RERE: variants seen among roughly 807,000 people sequenced by gnomAD.
RERE encodes arginine-glutamic acid dipeptide repeats protein.
RERE carries 40 observed loss-of-function variants against 146.1 expected under a neutral mutation model. The observed-to-expected ratio is 0.27, with a 90% CI of 0.21 to 0.36. The LOEUF (loss-of-function observed/expected upper bound fraction) is 0.36. RERE is among the 10% of genes least tolerant of loss of function. RERE has a pLI of 1.00. For missense variants in RERE, 1,933 were observed against 2,138.7 expected (o/e 0.90, Z 1.90); for synonymous variants, 1,003 against 866.0 (o/e 1.16, Z -2.78).
At chr1:8,398,759 C>T (rs926412139) in intron 12 of RERE, among the ~76,000 whole-genome samples, 2 of 152,198 alleles carry the variant, frequency 1.3e-5, no homozygotes, top group South Asian at 2.1e-4. Flanking sequence ...TCCACTACAC[C>T]CATGGAATCT....
At chr1:8,384,762 A>T (rs1244180748) in intron 12 of RERE, among the ~76,000 whole-genome samples, 1 of 152,136 alleles carries the variant, frequency 6.6e-6, no homozygotes, top group Non-Finnish European at 1.5e-5. Context: ...ACTAATAAAG[A>T]GGTTGGGCTA....
At chr1:8,683,497 C>CCA (rs1189205250) in intron 1 of RERE, among the ~76,000 whole-genome samples, 1 of 152,104 alleles carries the variant, frequency 6.6e-6, no homozygotes, top group Non-Finnish European at 1.5e-5. Flanking sequence ...ATTCTACAAC[C>CCA]CATCCACTGT....
intron 4 of RERE, among the ~76,000 whole-genome samples, chr1:8,598,968 G>C (rs1156599215): frequency 1.3e-5 from 2 of 152,238 alleles, no homozygotes; most frequent in Non-Finnish European, 2.9e-5. Context: ...GAAGGCAGAA[G>C]GCTGCAAACA....
chr1:8,389,815 T>C (rs997395981), intron 12 of RERE, among the ~76,000 whole-genome samples: 1 of 152,174 alleles, frequency 6.6e-6, no homozygotes, highest in African/African-American at 2.4e-5. Context: ...ATTAATAGTT[T>C]TCCATTTGTG....
At chr1:8,473,443 C>T (rs964082046) in intron 10 of RERE, among the ~76,000 whole-genome samples, 13 of 152,126 alleles carry the variant, frequency 8.5e-5, no homozygotes, top group African/African-American at 2.7e-4. Flanking sequence ...GACCTCATCG[C>T]GGATTTTGGT....
chr1:8,461,782 G>A (rs1317982819), intron 11 of RERE, among the ~76,000 whole-genome samples: 2 of 152,166 alleles, frequency 1.3e-5, no homozygotes, highest in East Asian at 3.8e-4. Context: ...AAGAGGAGAA[G>A]GAGGAGTAGG....
intron 10 of RERE, among the ~76,000 whole-genome samples, chr1:8,490,443 C>A (rs1488513462): frequency 6.7e-6 from 1 of 150,120 alleles, no homozygotes; most frequent in Non-Finnish European, 1.5e-5. Flanking sequence ...AAGTATTTAC[C>A]TGAGAGAACT....
chr1:8,700,654 G>C (rs1639427423), intron 1 of RERE, among the ~76,000 whole-genome samples: 2 of 152,052 alleles, frequency 1.3e-5, no homozygotes, highest in Non-Finnish European at 2.9e-5. Context: ...GAGACAAGGG[G>C]GAAACATTCT....
At position 8,714,136 on chromosome 1, in the gene RERE, A is replaced by G. The variant is rs538685237; in HGVS notation, c.-144-57695T>C. Among the ~76,000 whole-genome samples, 10 of 152,356 alleles carry G rather than the reference A, an allele frequency of 6.6e-5. No homozygotes were observed. In the South Asian group the frequency reaches 2.1e-3, roughly 32 times the overall value. On this transcript the variant is annotated intron_variant, in intron 1 of 22. Coordinates refer to ENST00000400908, the MANE Select transcript of RERE (RefSeq NM_001042681.2). Reference sequence around the variant, plus strand: ...CCCAAGAAGTAATTTTCTATTTGATAGTTATAGCTATCTTTAAATTTTTAA... The same window carrying G: ...CCCAAGAAGTAATTTTCTATTTGATGGTTATAGCTATCTTTAAATTTTTAA...
intron 3 of RERE, among the ~76,000 whole-genome samples, chr1:8,622,486 T>A (rs6577505): frequency 0.43 from 18,159 of 42,260 alleles, 3,480 homozygotes; most frequent in East Asian, 0.76. Flanking sequence ...TGTATCTGTT[T>A]AAAAAAAAAA....
At chr1:8,789,301 A>AAAAAAAATATATATATAT in intron 1 of RERE, among the ~76,000 whole-genome samples, 1 of 24,814 alleles carries the variant, frequency 4.0e-5, no homozygotes, top group African/African-American at 2.3e-4. Context: ...AAAAAAAAAA[A>AAAAAAAATATATATATAT]ATATATATAT....
intron 1 of RERE, among the ~76,000 whole-genome samples, chr1:8,773,573 C>T (rs1280958463): frequency 6.6e-6 from 1 of 152,204 alleles, no homozygotes; most frequent in African/African-American, 2.4e-5. Context: ...CGCCTGTAAT[C>T]CCAGCACTTT....
At chr1:8,487,097 C>G (rs1644912098) in intron 10 of RERE, among the ~76,000 whole-genome samples, 1 of 152,088 alleles carries the variant, frequency 6.6e-6, no homozygotes, top group Admixed American at 6.5e-5. Flanking sequence ...CAGGATTCAT[C>G]CTAGGAACAA....
chr1:8,407,225 C>T (rs1383303940), intron 12 of RERE, among the ~76,000 whole-genome samples: 3 of 152,112 alleles, frequency 2.0e-5, no homozygotes, highest in Admixed American at 6.5e-5. Flanking sequence ...TTTTGTGTGA[C>T]AGAATTGTGA....
chr1:8,773,652 T>C (rs925330099), intron 1 of RERE, among the ~76,000 whole-genome samples: 1 of 152,102 alleles, frequency 6.6e-6, no homozygotes, highest in Non-Finnish European at 1.5e-5. Flanking sequence ...GGTGAAACCC[T>C]GTCTCTACTA....
chr1:8,447,654 G>A (rs1357758924), intron 11 of RERE, among the ~76,000 whole-genome samples: 1 of 152,220 alleles, frequency 6.6e-6, no homozygotes, highest in Non-Finnish European at 1.5e-5. Flanking sequence ...GTTGCTGCCT[G>A]AGGAACCCCA....
rs1553153879 is a variant in RERE, at chr1:8,356,547, G to T, written c.4340-301C>A. 6.6e-6 allele frequency among the ~76,000 whole-genome samples: 1 copy of T among 152,212 alleles called. No homozygotes were observed. Among genetic ancestry groups the T allele is most frequent in the Non-Finnish European group, 1.5e-5 (1 of 68,034 alleles). On this transcript the variant is annotated intron_variant, in intron 20 of 22. Coordinates refer to ENST00000400908, the MANE Select transcript of RERE (RefSeq NM_001042681.2). The surrounding 1 kb of genome is among the most constrained non-coding windows in gnomAD (Gnocchi z 5.2). ...TTTTGTCGAGGACCCGGGATCAGCA[G>T]GGTCCCTCTCGCCGGCCACCTGGGC...
At chr1:8,694,974 G>GGGGGGC (rs1639292521) in intron 1 of RERE, among the ~76,000 whole-genome samples, 1 of 26,870 alleles carries the variant, frequency 3.7e-5, no homozygotes, top group Non-Finnish European at 7.0e-5. Context: ...GAAATCCTAA[G>GGGGGGC]GGGGGGGGGG....
chr1:8,728,490 A>G (rs1048688329), intron 1 of RERE, among the ~76,000 whole-genome samples: 2 of 151,754 alleles, frequency 1.3e-5, no homozygotes, highest in African/African-American at 2.4e-5. Context: ...TATTGAAACC[A>G]TGTTTAGAGC....
Sources: allele counts gnomAD v4.1 joint callset (sites outside exome capture counted in the v4.1 genomes callset), GRCh38; gene constraint gnomAD v4.1.1; non-coding constraint Gnocchi (gnomAD v3.1); transcripts MANE v1.5; gene names NCBI Gene and HGNC (gene_info 2026-07-23, HGNC 2026-07-21).